Variants in TOP1MT observed in about 807,000 individuals in gnomAD.
TOP1MT encodes the protein DNA topoisomerase I, mitochondrial.
TOP1MT carries 80 observed loss-of-function variants against 73.9 expected under a neutral mutation model. That is an observed-to-expected ratio of 1.08 (90% CI 0.90 to 1.30). The LOEUF is 1.30. Among genes scored for constraint, TOP1MT ranks in the 50% most tolerant of loss-of-function variants. TOP1MT has a pLI of 0.00. For synonymous variants in TOP1MT, 338 were observed against 326.4 expected (o/e 1.04, Z -0.38); for missense variants, 815 against 808.0 (o/e 1.01, Z -0.10).
At chr8:143,333,449 AAAT>A (rs1056575297) in intron 1 of TOP1MT, among the ~76,000 whole-genome samples, 2 of 152,170 alleles carry the variant, frequency 1.3e-5, no homozygotes, top group Non-Finnish European at 2.9e-5. Flanking sequence ...ATTTTGTCTC[AAAT>A]AATAATAATA....
chr8:143,315,093 C>T (rs966012209), intron 12 of TOP1MT, among the ~76,000 whole-genome samples: 7 of 152,024 alleles, frequency 4.6e-5, no homozygotes, highest in South Asian at 2.1e-4. Context: ...CTTAGCAGAC[C>T]GGGAAAGGGA....
chr8:143,349,903 A>G (rs1817293349), upstream of TOP1MT, among the ~76,000 whole-genome samples: 1 of 152,092 alleles, frequency 6.6e-6, no homozygotes, highest in South Asian at 2.1e-4. Context: ...AGCCTCCTAA[A>G]GTGCTGGGAT....
chr8:143,343,077 C>A (rs7837655), intron 2 of TOP1MT: 349,199 of 427,514 alleles, frequency 0.82, 143,140 homozygotes, highest in South Asian at 0.9. Context: ...CTTATTTCAC[C>A]ATAAAATCTT....
chr8:143,325,331 C>T lies in TOP1MT; in HGVS notation c.671+15G>A, dbSNP rs754973863. The T allele has an allele frequency of 1.5e-4, 242 of 1,575,490 alleles. No individual in the cohort carries two copies. The highest frequency in any genetic ancestry group is 5.5e-4 in the African/African-American group (41 of 74,084). Reference sequence around the variant, plus strand: ...GGGGGTCCAGTGCCCGCCTGCTGCCCGCCCGGCCACGCACCTGCTGCAGTT... The same window carrying T: ...GGGGGTCCAGTGCCCGCCTGCTGCCTGCCCGGCCACGCACCTGCTGCAGTT... On this transcript the variant is annotated intron_variant, in intron 5 of 13. Transcript: ENST00000329245.
intron 7 of TOP1MT, 88 bp from the exon 8 acceptor site, chr8:143,321,474 A>ACGCCACACGCACG: frequency 9.5e-7 from 1 of 1,052,614 alleles, no homozygotes; most frequent in Non-Finnish European, 1.3e-6. Context: ...CCACACACGC[A>ACGCCACACGCACG]CGCCACACGC....
In TOP1MT at chr8:143,309,401, A is replaced by T. The variant is rs1455998861; in HGVS notation, c.*40T>A. 6.3e-7 allele frequency: 1 copy of T among 1,583,790 alleles called. No individual in the cohort carries two copies. On this transcript the variant is annotated 3_prime_UTR_variant, in exon 14 of 14. Transcript: ENST00000329245. ...CAGTACTGCTTTAATAGTGAAAAAAACACACACACATACAAAAGAAGTTTC... is the reference window on the plus strand; with the variant it reads ...CAGTACTGCTTTAATAGTGAAAAAATCACACACACATACAAAAGAAGTTTC...
intron 7 of TOP1MT, among the ~76,000 whole-genome samples, chr8:143,321,865 ACACGCACACCACACGCACGC>A (rs2130071679): frequency 1.8e-5 from 1 of 56,386 alleles, no homozygotes; most frequent in African/African-American, 5.5e-5. Flanking sequence ...CACGCATGCC[ACACGCACACCACACGCACGC>A]CACACACAGG....
At chr8:143,332,458 G>A (rs1307266522) in intron 1 of TOP1MT, 6 of 1,282,670 alleles carry the variant, frequency 4.7e-6, no homozygotes, top group East Asian at 5.6e-5. Context: ...AGACGCACAA[G>A]GACAGAAGGT....
intron 13 of TOP1MT, 65 bp downstream of exon 13, chr8:143,310,003 G>T (rs757036754): frequency 6.3e-7 from 1 of 1,598,358 alleles, no homozygotes; most frequent in East Asian, 2.2e-5. Context: ...CTGAACAGAG[G>T]CCTCCTGGAA....
chr8:143,352,922 AAC>A (rs1260651885), intron 1 of TOP1MT, among the ~76,000 whole-genome samples: 1 of 152,180 alleles, frequency 6.6e-6, no homozygotes, highest in Non-Finnish European at 1.5e-5. Context: ...GGTTTTTAAA[AAC>A]ACACACAGGC....
In TOP1MT at chr8:143,324,645, G is replaced by C. The variant is rs199817139; in HGVS notation, c.672-16C>G. 1 of 1,610,608 alleles carries C rather than the reference G, an allele frequency of 6.2e-7. No homozygotes were observed. Among genetic ancestry groups the C allele is most frequent in the African/African-American group, 1.3e-5 (1 of 74,750 alleles). On this transcript the variant is annotated splice_polypyrimidine_tract_variant and intron_variant, in intron 5 of 13. Transcript: ENST00000329245. ...CTTCGAGTCCCTGCAGCAGAACAAC[G>C]ACCCAAACATAACTTGGAGACCTTA...
chr8:143,313,818 G>A (rs1816077973), intron 12 of TOP1MT, among the ~76,000 whole-genome samples: 1 of 150,690 alleles, frequency 6.6e-6, no homozygotes, highest in Admixed American at 6.6e-5. Flanking sequence ...TCATGCCATT[G>A]CACTCCAGCC....
intron 11 of TOP1MT, 38 bp downstream of exon 11, chr8:143,315,961 T>G: frequency 6.2e-7 from 1 of 1,613,836 alleles, no homozygotes; most frequent in Non-Finnish European, 8.5e-7. Flanking sequence ...GAGGGGTCCC[T>G]TGAGGGCTGG....
upstream of TOP1MT, among the ~76,000 whole-genome samples, chr8:143,357,387 CAG>C (rs1185012389): frequency 7.0e-6 from 1 of 143,258 alleles, no homozygotes; most frequent in Non-Finnish European, 1.5e-5. Context: ...TCCTGGGCGA[CAG>C]AGTGAGACCT....
At chr8:143,334,941 G>A, upstream of TOP1MT, 1 of 1,223,280 alleles carries the variant, frequency 8.2e-7, no homozygotes, top group Non-Finnish European at 1.0e-6. Flanking sequence ...GGCCAGCCCC[G>A]CCCCCGAGCG....
At chr8:143,314,402 C>A (rs1816095255) in intron 12 of TOP1MT, among the ~76,000 whole-genome samples, 1 of 152,050 alleles carries the variant, frequency 6.6e-6, no homozygotes, top group Admixed American at 6.6e-5. Flanking sequence ...GTTTGACCAG[C>A]CTGGCCAACA....
At chr8:143,349,885 C>A (rs542468231), upstream of TOP1MT, among the ~76,000 whole-genome samples, 1 of 152,316 alleles carries the variant, frequency 6.6e-6, no homozygotes, top group South Asian at 2.1e-4. Context: ...AATTGATCTG[C>A]CCACCTCAGC....
upstream of TOP1MT, among the ~76,000 whole-genome samples, chr8:143,348,521 C>T (rs559004371): frequency 2.3e-3 from 348 of 152,044 alleles, 1 homozygote; most frequent in Middle Eastern, 6.8e-3. This position sits in a 1 kb window ranked among gnomAD's most constrained non-coding sequence, Gnocchi z 4.6. Flanking sequence ...TAAAGGGGTG[C>T]CCTGCAGGGG....
Position 143,331,388 on chromosome 8 carries a change from G to A in TOP1MT, c.123-49C>T, listed in dbSNP as rs749151320. 12 of 1,514,406 alleles carry A rather than the reference G, an allele frequency of 7.9e-6. No individual in the cohort carries two copies. In the South Asian group the frequency reaches 1.4e-4, roughly 18 times the overall value. The allele number at this position is 1,514,406 out of a possible 1,614,324, so 93.8% of individuals were successfully genotyped here. ...CACTCTCCTGGGCCAGGCCCTGCAT[G>A]AGCCTCTTCCCCGCTCCCACAGTGG... is the stretch of plus-strand genomic sequence containing the variant. On this transcript the variant is annotated intron_variant, in intron 1 of 13. Transcript: ENST00000329245.
Sources: allele counts gnomAD v4.1 joint callset (sites outside exome capture counted in the v4.1 genomes callset), GRCh38; gene constraint gnomAD v4.1.1; non-coding constraint Gnocchi (gnomAD v3.1); transcripts MANE v1.5; gene names NCBI Gene and HGNC (gene_info 2026-07-23, HGNC 2026-07-21).